PIK3AP1: variants seen among roughly 807,000 people sequenced by gnomAD.
PIK3AP1 encodes phosphoinositide 3-kinase adapter protein 1.
Under a neutral mutation model 88.1 loss-of-function variants are expected in PIK3AP1, and 21 were observed. The observed-to-expected ratio is 0.24, with a 90% CI of 0.17 to 0.34. The LOEUF (loss-of-function observed/expected upper bound fraction) is 0.34, where lower values mean the gene tolerates loss of function less well. Ranked by LOEUF, PIK3AP1 falls within the 10% of genes least tolerant of loss-of-function variation. The pLI is 1.00. For synonymous variants in PIK3AP1, 398 were observed against 400.0 expected (o/e 1.00, Z 0.06); for missense variants, 828 against 1,035.7 (o/e 0.80, Z 2.75).
chr10:96,662,651 C>T (rs547831624), intron 2 of PIK3AP1, among the ~76,000 whole-genome samples: 37 of 150,696 alleles, frequency 2.5e-4, no homozygotes, highest in African/African-American at 8.0e-4. Context: ...GAGGCCGAGG[C>T]GGGTGGATCA....
At chr10:96,710,581 C>CA (rs1023327799) in intron 1 of PIK3AP1, among the ~76,000 whole-genome samples, 31 of 152,208 alleles carry the variant, frequency 2.0e-4, no homozygotes, top group Middle Eastern at 6.8e-3. Flanking sequence ...ACCTTCCCCC[C>CA]ACACCTGAAG....
At chr10:96,635,970 G>A (rs1204666226) in intron 8 of PIK3AP1, among the ~76,000 whole-genome samples, 1 of 152,038 alleles carries the variant, frequency 6.6e-6, no homozygotes, top group Non-Finnish European at 1.5e-5. Flanking sequence ...CACTTTGGGA[G>A]GCCGAGGGGG....
chr10:96,612,843 C>T (rs6584088), intron 13 of PIK3AP1, among the ~76,000 whole-genome samples: 20,716 of 150,746 alleles, frequency 0.14, 1,529 homozygotes, highest in African/African-American at 0.17. Flanking sequence ...CCCACACCAG[C>T]TATTTGCTCT....
chr10:96,710,228 A>G (rs2134291913), intron 1 of PIK3AP1, among the ~76,000 whole-genome samples: 1 of 151,662 alleles, frequency 6.6e-6, no homozygotes, highest in East Asian at 1.9e-4. Flanking sequence ...TTATTTATTT[A>G]TTTATTTATT....
Position 96,603,671 on chromosome 10 carries a change from TACACACACACACACACAC to T in PIK3AP1, c.2241+290_2241+307del, listed in dbSNP as rs10528215. 7.0e-4 allele frequency: 114 copies of T among 163,136 alleles called. 1 individual carries two copies. Among genetic ancestry groups the T allele is most frequent in the South Asian group, 3.8e-3 (20 of 5,302 alleles). The allele number at this position is 163,136 out of a possible 1,614,324, so 10.1% of individuals were successfully genotyped here. On this transcript the variant is annotated intron_variant, in intron 15 of 16. Coordinates refer to ENST00000339364, the MANE Select transcript of PIK3AP1 (RefSeq NM_152309.3). ...GATTGTGTGAGTTAATACTACTTAA[TACACACACACACACACAC>T]ACACACACACACACACACACACCAC...
At chr10:96,704,736 A>C (rs912521765) in intron 2 of PIK3AP1, among the ~76,000 whole-genome samples, 1 of 151,702 alleles carries the variant, frequency 6.6e-6, no homozygotes, top group South Asian at 2.1e-4. Flanking sequence ...AAAAAAAAAG[A>C]AAAAAGAAAA....
rs78773562 is a variant in PIK3AP1, at chr10:96,700,902, G to T, written c.430+8665C>A. The T allele has an allele frequency of 5.1e-6, 5 of 984,612 alleles. No homozygotes were observed. The African/African-American group carries it at 8.8e-5, about 17-fold the overall frequency. The allele number at this position is 984,612 out of a possible 1,614,324, so 61.0% of individuals were successfully genotyped here. ...CTCTCAGGGCTGCTGCCTGTGACGC[G>T]CCAAGGCCAGGCTCTGAGCCCCTTG... On this transcript the variant is annotated intron_variant, in intron 2 of 16. Coordinates refer to ENST00000339364, the MANE Select transcript of PIK3AP1 (RefSeq NM_152309.3).
At position 96,615,200 on chromosome 10, in the gene PIK3AP1, G is replaced by A. The variant is rs115782974; in HGVS notation, c.2014+1439C>T. 1.1e-3 allele frequency among the ~76,000 whole-genome samples: 167 copies of A among 152,304 alleles called. 2 individuals carry two copies. The highest frequency in any genetic ancestry group is 3.8e-3 in the African/African-American group (160 of 41,564). ...TAGGAGTCCAGGGACTGCAGCACAGGGTTTGGGGGAGAATGGAGGATGAGC... is the reference window on the plus strand; with the variant it reads ...TAGGAGTCCAGGGACTGCAGCACAGAGTTTGGGGGAGAATGGAGGATGAGC... On this transcript the variant is annotated intron_variant, in intron 13 of 16. Transcript: ENST00000339364.
intron 2 of PIK3AP1, among the ~76,000 whole-genome samples, chr10:96,684,397 G>A (rs1420642986): frequency 6.6e-6 from 1 of 152,228 alleles, no homozygotes; most frequent in African/African-American, 2.4e-5. Flanking sequence ...AACGGCAGTG[G>A]ATGGCCATTC....
intron 8 of PIK3AP1, among the ~76,000 whole-genome samples, chr10:96,629,127 T>C (rs1440416554): frequency 1.3e-5 from 2 of 151,860 alleles, no homozygotes; most frequent in African/African-American, 2.4e-5. Flanking sequence ...TTAAAAACAA[T>C]GTACTGAAGC....
At position 96,594,033 on chromosome 10, in the gene PIK3AP1, T is replaced by C. The variant is rs1276481806; in HGVS notation, c.*1544A>G. ...TGGGAAACAAACACATTTTGAATAT[T>C]TTTTAAAGAAGTATTTCTGATTCTA... On this transcript the variant is annotated 3_prime_UTR_variant, in exon 17 of 17. Coordinates refer to ENST00000339364, the MANE Select transcript of PIK3AP1 (RefSeq NM_152309.3). This position sits in a 1 kb window ranked among gnomAD's most constrained non-coding sequence, Gnocchi z 4.6. 6.6e-6 allele frequency: 1 copy of C among 152,210 alleles called. No individual in the cohort carries two copies. The highest frequency in any genetic ancestry group is 1.5e-5 in the Non-Finnish European group (1 of 68,040). 9.4% of individuals were successfully genotyped at this position (152,210 alleles called of 1,614,324 possible).
At chr10:96,654,350 C>T (rs1033987230) in intron 3 of PIK3AP1, among the ~76,000 whole-genome samples, 1 of 152,038 alleles carries the variant, frequency 6.6e-6, no homozygotes, top group African/African-American at 2.4e-5. Context: ...ATAGCGAATC[C>T]CCAGATATTC....
intron 6 of PIK3AP1, among the ~76,000 whole-genome samples, chr10:96,650,633 G>A (rs759729641): frequency 9.9e-5 from 15 of 152,208 alleles, no homozygotes; most frequent in Admixed American, 5.2e-4. Context: ...GCCAAAGCAG[G>A]TGAATGGAAC....
At position 96,618,216 on chromosome 10, in the gene PIK3AP1, T is replaced by C. The variant is rs548642885; in HGVS notation, c.1942-1505A>G. Among the ~76,000 whole-genome samples the C allele has an allele frequency of 7.9e-5, 12 of 152,184 alleles. No individual in the cohort carries two copies. The South Asian group carries it at 2.5e-3, about 32-fold the overall frequency. ...ATGGGAAGGGAAGAGGTCTCTTGGA[T>C]AGAAACACAGAAAGACATGGCACAT... On this transcript the variant is annotated intron_variant, in intron 12 of 16. Transcript: ENST00000339364.
At chr10:96,635,741 C>T (rs765332541) in intron 8 of PIK3AP1, among the ~76,000 whole-genome samples, 14 of 151,948 alleles carry the variant, frequency 9.2e-5, no homozygotes, top group Non-Finnish European at 1.9e-4. Context: ...CCCATTTCTA[C>T]TAAAAATACA....
At chr10:96,666,647 G>A (rs1444270295) in intron 2 of PIK3AP1, among the ~76,000 whole-genome samples, 1 of 151,994 alleles carries the variant, frequency 6.6e-6, no homozygotes, top group Non-Finnish European at 1.5e-5. Flanking sequence ...AAGAGCTGGT[G>A]ACAGTCATTA....
intron 2 of PIK3AP1, among the ~76,000 whole-genome samples, chr10:96,698,871 T>TA (rs1164452775): frequency 1.3e-5 from 2 of 152,158 alleles, no homozygotes; most frequent in Non-Finnish European, 2.9e-5. Flanking sequence ...AGTGTACTTT[T>TA]AACACTTAAA....
At position 96,663,268 on chromosome 10, in the gene PIK3AP1, G is replaced by T. The variant is rs140509588; in HGVS notation, c.431-6334C>A. On this transcript the variant is annotated intron_variant, in intron 2 of 16. Transcript: ENST00000339364. ...ATATTGCACAAATCTGTGAATATAC[G>T]AAAAAAACATTGAATTGTACACTTT... Among the ~76,000 whole-genome samples, 793 of 152,002 alleles carry T rather than the reference G, an allele frequency of 5.2e-3. 6 individuals carry two copies. Among genetic ancestry groups the T allele is most frequent in the Middle Eastern group, 0.027 (8 of 294 alleles).
chr10:96,647,446 A>T (rs1843474880), intron 7 of PIK3AP1, among the ~76,000 whole-genome samples: 1 of 152,246 alleles, frequency 6.6e-6, no homozygotes, highest in Non-Finnish European at 1.5e-5. Context: ...ACTACTATGA[A>T]CACAGTAGGT....
Sources: allele counts gnomAD v4.1 joint callset (sites outside exome capture counted in the v4.1 genomes callset), GRCh38; gene constraint gnomAD v4.1.1; non-coding constraint Gnocchi (gnomAD v3.1); transcripts MANE v1.5; gene names NCBI Gene and HGNC (gene_info 2026-07-23, HGNC 2026-07-21).